Variants in SLC15A4 observed in about 807,000 individuals in gnomAD.
The protein encoded by SLC15A4 is hPHT1.
Under a neutral mutation model 46.1 loss-of-function variants are expected in SLC15A4, and 26 were observed. The observed-to-expected ratio is 0.56, with a 90% CI of 0.41 to 0.78. The LOEUF is 0.78. SLC15A4 is among the 30% of genes least tolerant of loss of function. SLC15A4 has a pLI of 0.00. For missense variants in SLC15A4, 751 were observed against 755.7 expected (o/e 0.99, Z 0.07); for synonymous variants, 370 against 333.4 (o/e 1.11, Z -1.20).
In SLC15A4 at chr12:128,814,767, G is replaced by C. The variant is rs369480906; in HGVS notation, c.842+8C>G. The C allele has an allele frequency of 6.1e-5, 99 of 1,612,540 alleles. No individual in the cohort carries two copies. The highest frequency in any genetic ancestry group is 1.7e-4 in the Middle Eastern group (1 of 6,058). On this transcript the variant is annotated splice_region_variant and intron_variant, in intron 2 of 7. Coordinates refer to ENST00000266771, the MANE Select transcript of SLC15A4 (RefSeq NM_145648.4). ...TCAAACAGCCCAAGATGAGAACTAAGTGCTTACCCATTACTCTGGCGCTCT... is the reference window on the plus strand; with the variant it reads ...TCAAACAGCCCAAGATGAGAACTAACTGCTTACCCATTACTCTGGCGCTCT...
chr12:128,821,203 A>T (rs1471343614), intron 1 of SLC15A4, among the ~76,000 whole-genome samples: 1 of 152,212 alleles, frequency 6.6e-6, no homozygotes, highest in Non-Finnish European at 1.5e-5. Flanking sequence ...ACAAACAGGG[A>T]GACAACCTGC....
At chr12:128,809,884 T>A in intron 3 of SLC15A4, 59 bp downstream of exon 3, 2 of 1,534,936 alleles carry the variant, frequency 1.3e-6, no homozygotes, top group Non-Finnish European at 1.8e-6. Flanking sequence ...CCAAAACAAG[T>A]GCTAGGGTAA....
At position 128,793,967 on chromosome 12, in the gene SLC15A4, G is replaced by A. The variant is rs933035916; in HGVS notation, c.*229C>T. 23 of 384,414 alleles carry A rather than the reference G, an allele frequency of 6.0e-5. No individual in the cohort carries two copies. The highest frequency in any genetic ancestry group is 3.1e-4 in the East Asian group (8 of 25,982). 23.8% of individuals were successfully genotyped at this position (384,414 alleles called of 1,614,324 possible). A position where few individuals can be genotyped will look rare whatever the true frequency, so the allele number is the denominator to read the frequency against. On this transcript the variant is annotated 3_prime_UTR_variant, in exon 8 of 8. Transcript: ENST00000266771. The stretch of plus-strand genomic sequence containing the variant: ...ACCTTGAATGACAAGCGACATACTC[G>A]AAATCTGCAGCTCTCCTCCCGGAGG...
intron 1 of SLC15A4, chr12:128,819,391 A>C (rs1039759125): frequency 6.6e-6 from 1 of 152,208 alleles, no homozygotes; most frequent in African/African-American, 2.4e-5. Context: ...CAAGAGAATA[A>C]GACTTGGTCT....
intron 5 of SLC15A4, among the ~76,000 whole-genome samples, chr12:128,804,509 A>T (rs1051854281): frequency 7.2e-5 from 11 of 152,248 alleles, no homozygotes; most frequent in Non-Finnish European, 1.5e-4. Context: ...AGGTGGGCAG[A>T]TCACAAGGTC....
At chr12:128,799,710 T>C (rs1955492323) in intron 6 of SLC15A4, among the ~76,000 whole-genome samples, 1 of 152,250 alleles carries the variant, frequency 6.6e-6, no homozygotes, top group African/African-American at 2.4e-5. Flanking sequence ...TGTTGGCTCT[T>C]AGACTTTTGT....
In SLC15A4 at chr12:128,801,002, C is replaced by T; in HGVS notation, c.1266G>A (p.Leu422=). The T allele has an allele frequency of 1.3e-6, 2 of 1,598,184 alleles. No homozygotes were observed. The highest frequency in any genetic ancestry group is 1.7e-6 in the Non-Finnish European group (2 of 1,173,896). The stretch of plus-strand genomic sequence containing the variant: ...TAACAAGGTTCAGCCTTTTACTCTC[C>T]AAAATTCCTAGAATTCAAAAGTAGG... The part of the protein sequence containing the change: ...VMCSAFAAGI[L]ESKRLNLVKE... The change falls in exon 6 of 8, where the codon TTG becomes TTA. Residue 422 remains leucine (L), a synonymous_variant. Transcript: ENST00000266771.
chr12:128,809,896 A>G lies in SLC15A4; in HGVS notation c.1011+47T>C, dbSNP rs368688114. 8.2e-6 allele frequency: 13 copies of G among 1,576,064 alleles called. No individual in the cohort carries two copies. The African/African-American group carries it at 1.8e-4, about 21-fold the overall frequency. On this transcript the variant is annotated intron_variant, in intron 3 of 7. Transcript: ENST00000266771. ...TGGCCAAAACAAGTGCTAGGGTAAG[A>G]CTTCATAGGAAGATAAAGGAAATTA...
intron 2 of SLC15A4, chr12:128,814,361 G>A (rs1006484032): frequency 5.3e-6 from 1 of 186,934 alleles, no homozygotes; most frequent in East Asian, 1.5e-4. Context: ...AGCAGAGACA[G>A]GTACTGACAG....
Position 128,799,210 on chromosome 12 carries a change from C to T in SLC15A4, c.1573+49G>A, listed in dbSNP as rs778941559. 13 of 1,605,600 alleles carry T rather than the reference C, an allele frequency of 8.1e-6. No homozygotes were observed. In the South Asian group the frequency reaches 1.3e-4, roughly 16 times the overall value. On this transcript the variant is annotated intron_variant, in intron 7 of 7. Coordinates refer to ENST00000266771, the MANE Select transcript of SLC15A4 (RefSeq NM_145648.4). ...CTCAGCCATCTCCTGAGTGCCTGCG[C>T]CTCCCCCTCACTGGCTATTTTCAAA...
intron 5 of SLC15A4, chr12:128,801,816 C>T (rs1955521641): frequency 6.6e-6 from 1 of 152,024 alleles, no homozygotes; most frequent in Admixed American, 6.6e-5. Context: ...ATATTTAAAG[C>T]GTATGTAAAA....
At chr12:128,810,473 G>T (rs551721076) in intron 2 of SLC15A4, 2 of 249,112 alleles carry the variant, frequency 8.0e-6, no homozygotes, top group South Asian at 1.0e-4. Context: ...ACGTGACACT[G>T]GGAGGGACAC....
At chr12:128,802,377 TC>T (rs1460621881) in intron 5 of SLC15A4, among the ~76,000 whole-genome samples, 1 of 152,144 alleles carries the variant, frequency 6.6e-6, no homozygotes. Flanking sequence ...GACAATGGCT[TC>T]CCCTAGACAC....
At chr12:128,796,297 C>A (rs138533276) in intron 7 of SLC15A4, among the ~76,000 whole-genome samples, 1 of 151,896 alleles carries the variant, frequency 6.6e-6, no homozygotes, top group African/African-American at 2.4e-5. Context: ...TGGTGGCTGG[C>A]GCCTGTAATC....
At chr12:128,808,052 ATT>A (rs1272045294) in intron 5 of SLC15A4, among the ~76,000 whole-genome samples, 1 of 152,244 alleles carries the variant, frequency 6.6e-6, no homozygotes, top group African/African-American at 2.4e-5. Flanking sequence ...AACTTTTATT[ATT>A]ATGTAACTAA....
At chr12:128,812,316 TTTTTA>T (rs1026442947) in intron 2 of SLC15A4, among the ~76,000 whole-genome samples, 21 of 152,082 alleles carry the variant, frequency 1.4e-4, no homozygotes, top group African/African-American at 4.8e-4. Flanking sequence ...CAACTTTTTT[TTTTTA>T]TTTTATTTTT....
At chr12:128,821,086 A>G (rs1955829254) in intron 1 of SLC15A4, among the ~76,000 whole-genome samples, 1 of 152,222 alleles carries the variant, frequency 6.6e-6, no homozygotes. Context: ...GGCCCTCAGC[A>G]GTGCAGATGC....
In SLC15A4 at chr12:128,794,154, C is replaced by T; in HGVS notation, c.*42G>A. 1.3e-6 allele frequency: 2 copies of T among 1,569,678 alleles called. No homozygotes were observed. Among genetic ancestry groups the T allele is most frequent in the Non-Finnish European group, 1.7e-6 (2 of 1,154,708 alleles). On this transcript the variant is annotated 3_prime_UTR_variant, in exon 8 of 8. Transcript: ENST00000266771. Reference sequence around the variant, plus strand: ...GTTCTCAGTGCACCCCAGTCAGTTACTGACATGTCAGCCTCAGAAACCGCA... The same window carrying T: ...GTTCTCAGTGCACCCCAGTCAGTTATTGACATGTCAGCCTCAGAAACCGCA...
chr12:128,794,142 C>T lies in SLC15A4; in HGVS notation c.*54G>A. 1.3e-6 allele frequency: 2 copies of T among 1,527,500 alleles called. No homozygotes were observed. The allele number at this position is 1,527,500 out of a possible 1,614,324, so 94.6% of individuals were successfully genotyped here. On this transcript the variant is annotated 3_prime_UTR_variant, in exon 8 of 8. Coordinates refer to ENST00000266771, the MANE Select transcript of SLC15A4 (RefSeq NM_145648.4). ...AAAGTCTTGCCTGTTCTCAGTGCACCCCAGTCAGTTACTGACATGTCAGCC... is the reference window on the plus strand; with the variant it reads ...AAAGTCTTGCCTGTTCTCAGTGCACTCCAGTCAGTTACTGACATGTCAGCC...
Sources: gnomAD v4.1 joint callset for allele counts (sites outside exome capture counted in the v4.1 genomes callset) on GRCh38, gnomAD v4.1.1 for gene constraint, MANE v1.5 for transcripts, NCBI Gene and HGNC (gene_info 2026-07-23, HGNC 2026-07-21) for gene names.